The following AGBL1 variants were observed in gnomAD, a reference collection of about 807,000 sequenced individuals.
The protein encoded by AGBL1 is AGBL carboxypeptidase 1, also known as cytosolic carboxypeptidase 4.
AGBL1 carries 130 observed loss-of-function variants against 118.9 expected under a neutral mutation model. The observed-to-expected ratio is 1.09, with a 90% CI of 0.95 to 1.26. AGBL1 has a LOEUF of 1.26. Ranked by LOEUF, AGBL1 falls within the 50% of genes most tolerant of loss-of-function variation. The probability of loss-of-function intolerance (pLI) is 0.00; values close to 1 mark genes in which losing one functional copy is unlikely to be tolerated. For missense variants in AGBL1, 1,584 were observed against 1,298.1 expected (o/e 1.22, Z -3.38); for synonymous variants, 555 against 478.9 (o/e 1.16, Z -2.08).
intron 23 of AGBL1, among the ~76,000 whole-genome samples, chr15:86,921,436 T>C (rs2080480909): frequency 6.6e-6 from 1 of 152,246 alleles, no homozygotes; most frequent in South Asian, 2.1e-4. Context: ...ATGTAATTTT[T>C]AGTTTCTATA....
intron 21 of AGBL1, among the ~76,000 whole-genome samples, chr15:86,665,600 T>C (rs1473073323): frequency 6.6e-6 from 1 of 152,160 alleles, no homozygotes; most frequent in Non-Finnish European, 1.5e-5. Context: ...TTTAGATATA[T>C]TCAAATTTTA....
chr15:86,209,603 A>G (rs2078056620), intron 5 of AGBL1, among the ~76,000 whole-genome samples: 1 of 152,128 alleles, frequency 6.6e-6, no homozygotes, highest in Non-Finnish European at 1.5e-5. Flanking sequence ...TTGTTGGTTT[A>G]AAGTCTGATT....
chr15:86,363,808 G>A (rs568292122), intron 17 of AGBL1, among the ~76,000 whole-genome samples: 1 of 152,046 alleles, frequency 6.6e-6, no homozygotes, highest in Non-Finnish European at 1.5e-5. Flanking sequence ...CCAGCATGGT[G>A]AAAACCCAGT....
At position 86,897,920 on chromosome 15, in the gene AGBL1, G is replaced by A. The variant is rs180943722; in HGVS notation, c.3159-9167G>A. Among the ~76,000 whole-genome samples the A allele has an allele frequency of 1.7e-4, 25 of 151,482 alleles. No homozygotes were observed. The East Asian group carries it at 3.1e-3, about 19-fold the overall frequency. On this transcript the variant is annotated intron_variant, in intron 22 of 22. Coordinates refer to ENST00000614907, the MANE Select transcript of AGBL1 (RefSeq NM_001386094.1). ...GAGTATCTAGCTGAACTACAGGCAC[G>A]TGCCACCATGACTAGCTAATTTTTG... is the stretch of plus-strand genomic sequence containing the variant.
chr15:86,079,767 A>C (rs1895143681), upstream of AGBL1: 1 of 385,614 alleles, frequency 2.6e-6, no homozygotes, highest in Non-Finnish European at 4.6e-6. Flanking sequence ...GGCTCACCTA[A>C]TCCCCACAGT....
At chr15:86,726,501 A>G (rs2086820786) in intron 22 of AGBL1, among the ~76,000 whole-genome samples, 1 of 152,226 alleles carries the variant, frequency 6.6e-6, no homozygotes, top group Non-Finnish European at 1.5e-5. Context: ...CTTAGGATTG[A>G]GCAAGATAAT....
intron 23 of AGBL1, among the ~76,000 whole-genome samples, chr15:86,944,278 C>T (rs1261673541): frequency 6.6e-6 from 1 of 152,024 alleles, no homozygotes; most frequent in African/African-American, 2.4e-5. Context: ...ACTTGGGAGG[C>T]TGAGGCAGGA....
chr15:86,832,408 C>T (rs902429455), intron 22 of AGBL1, among the ~76,000 whole-genome samples: 1 of 152,184 alleles, frequency 6.6e-6, no homozygotes, highest in Non-Finnish European at 1.5e-5. Context: ...TTCCAACCAT[C>T]ATAGCTTTGT....
At chr15:86,637,738 G>A (rs952721222) in intron 21 of AGBL1, among the ~76,000 whole-genome samples, 3 of 152,050 alleles carry the variant, frequency 2.0e-5, no homozygotes, top group Non-Finnish European at 4.4e-5. Flanking sequence ...GAATCAACAA[G>A]ACTTGATTAT....
Position 86,152,512 on chromosome 15 carries a change from A to C in AGBL1, c.263-1918A>C, listed in dbSNP as rs566338631. On this transcript the variant is annotated intron_variant, in intron 3 of 22. Coordinates refer to ENST00000614907, the MANE Select transcript of AGBL1 (RefSeq NM_001386094.1). ...TTCCTTAAACCTTGTACAAAAATTA[A>C]TTCAAGATGGATTGAAGACTTAAAT... Among the ~76,000 whole-genome samples, 213 of 152,302 alleles carry C rather than the reference A, an allele frequency of 1.4e-3. 1 individual carries two copies. Among genetic ancestry groups the C allele is most frequent in the Admixed American group, 5.0e-3 (77 of 15,298 alleles).
At chr15:86,517,414 C>A (rs2083134897) in intron 18 of AGBL1, among the ~76,000 whole-genome samples, 1 of 152,176 alleles carries the variant, frequency 6.6e-6, no homozygotes, top group Non-Finnish European at 1.5e-5. Flanking sequence ...TTTGTGACTA[C>A]CCTTGGAGGA....
intron 16 of AGBL1, among the ~76,000 whole-genome samples, chr15:86,287,712 T>C (rs1036486496): frequency 4.6e-5 from 7 of 152,166 alleles, no homozygotes; most frequent in African/African-American, 1.4e-4. Context: ...CAAGGACCCA[T>C]GTGGTCATAA....
At chr15:86,417,086 C>A (rs952221173) in intron 18 of AGBL1, among the ~76,000 whole-genome samples, 3 of 152,184 alleles carry the variant, frequency 2.0e-5, no homozygotes, top group African/African-American at 7.2e-5. Flanking sequence ...ACTTAAAATT[C>A]CTTTATAGCA....
chr15:86,331,333 C>T (rs968088771), intron 17 of AGBL1, among the ~76,000 whole-genome samples: 2 of 151,674 alleles, frequency 1.3e-5, no homozygotes, highest in African/African-American at 4.8e-5. Flanking sequence ...CTCTTCTTCT[C>T]TCCTGAGAGA....
chr15:86,246,029 G>T (rs1326032098), intron 6 of AGBL1, among the ~76,000 whole-genome samples: 1 of 152,136 alleles, frequency 6.6e-6, no homozygotes, highest in Admixed American at 6.5e-5. Context: ...GGAGCCACAG[G>T]TGCAAGCCAC....
chr15:86,125,747 G>C (rs1183667251), intron 1 of AGBL1, among the ~76,000 whole-genome samples: 1 of 152,192 alleles, frequency 6.6e-6, no homozygotes, highest in Non-Finnish European at 1.5e-5. Flanking sequence ...TCATGGAAAG[G>C]ATCAAAGTCA....
Position 86,902,122 on chromosome 15 carries a change from G to A in AGBL1, c.3159-4965G>A, listed in dbSNP as rs1032129685. ...GACATAAGTTTTTATATACCTGGGT[G>A]TAATGTCCAAGAGTGTAATTGTGGC... On this transcript the variant is annotated intron_variant, in intron 22 of 22. Coordinates refer to ENST00000614907, the MANE Select transcript of AGBL1 (RefSeq NM_001386094.1). Among the ~76,000 whole-genome samples, 3 of 152,102 alleles carry A rather than the reference G, an allele frequency of 2.0e-5. No homozygotes were observed. The East Asian group carries it at 5.8e-4, about 29-fold the overall frequency.
At chr15:86,463,305 A>G (rs1027253280) in intron 18 of AGBL1, among the ~76,000 whole-genome samples, 1 of 150,542 alleles carries the variant, frequency 6.6e-6, no homozygotes, top group African/African-American at 2.4e-5. Context: ...TTTTTTGTAA[A>G]TTTGTTTAAG....
chr15:87,003,719 T>G (rs183454329), intron 24 of AGBL1, among the ~76,000 whole-genome samples: 139 of 152,332 alleles, frequency 9.1e-4, no homozygotes, highest in African/African-American at 3.2e-3. Flanking sequence ...GGTGTATGTG[T>G]CAAGGAATTT....
Sources: gnomAD v4.1 joint callset for allele counts (sites outside exome capture counted in the v4.1 genomes callset) on GRCh38, gnomAD v4.1.1 for gene constraint, MANE v1.5 for transcripts, NCBI Gene and HGNC (gene_info 2026-07-23, HGNC 2026-07-21) for gene names.